The following LRP2 variants were observed in gnomAD, a reference collection of about 807,000 sequenced individuals.
The protein encoded by LRP2 is LDL receptor related protein 2.
A neutral mutation model predicts 531.0 loss-of-function variants in LRP2; 172 were observed. The ratio of observed to expected loss-of-function variants is 0.32; its 90% CI spans 0.29 to 0.37. LRP2 has a LOEUF of 0.37. Ranked by LOEUF, LRP2 falls within the 10% of genes least tolerant of loss-of-function variation. LRP2 has a pLI of 1.00. For synonymous variants in LRP2, 1,992 were observed against 2,027.6 expected, an observed-to-expected ratio of 0.98 and a Z score of 0.47; for missense variants, 5,167 against 5,868.3, an observed-to-expected ratio of 0.88 and a Z score of 3.90.
rs372272914 is a variant in LRP2 at position 169,259,170 on chromosome 2, C to T, written c.2368G>A (p.Ala790Thr). Residue 790 changes from alanine to threonine, a missense_variant, in exon 17 of 79, where the codon GCT becomes ACT. This residue lies in a region of LRP2 where 2,811 missense variants were observed against 3,058.0 expected (regional missense o/e 0.92). Coordinates refer to ENST00000649046, the MANE Select transcript of LRP2 (RefSeq NM_004525.3). ...ANRVENVESL[A>T]FDWISKNLYW... ...AGATTCTTTGAAATCCAATCAAAAG[C>T]CAAACTTTCAACATTTTCCACCCTG... The T allele has an allele frequency of 1.2e-6, 2 of 1,613,136 alleles. No homozygotes were observed. The highest frequency in any genetic ancestry group is 2.7e-5 in the African/African-American group (2 of 74,812).
At chr2:169,211,155 G>T (rs1239454531) in intron 37 of LRP2, among the ~76,000 whole-genome samples, 1 of 152,220 alleles carries the variant, frequency 6.6e-6, no homozygotes, top group Non-Finnish European at 1.5e-5. Flanking sequence ...AGGAGGACGT[G>T]TGGGACTGGA....
Position 169,362,313 on chromosome 2 carries a change from G to T in LRP2, c.79+8C>A, listed in dbSNP as rs746095748. On this transcript the variant is annotated splice_region_variant and intron_variant, in intron 1 of 78. Coordinates refer to ENST00000649046, the MANE Select transcript of LRP2 (RefSeq NM_004525.3). ...GGGCTCCACGAGAGGCTCTGGCTGG[G>T]CTCTTACCTTGGCCACTGGCCGGCG... 6.4e-7 allele frequency: 1 copy of T among 1,556,004 alleles called. No homozygotes were observed. The highest frequency in any genetic ancestry group is 8.7e-7 in the Non-Finnish European group (1 of 1,150,406).
intron 19 of LRP2, 72 bp from the exon 20 acceptor site, chr2:169,247,587 C>A: frequency 6.6e-7 from 1 of 1,524,168 alleles, no homozygotes; most frequent in Non-Finnish European, 9.1e-7. Context: ...TGAGAAAATG[C>A]AATAGGCTTG....
At position 169,277,741 on chromosome 2, in the gene LRP2, T is replaced by C. The variant is rs764856011; in HGVS notation, c.1772+4A>G. On this transcript the variant is annotated splice_donor_region_variant and intron_variant, in intron 13 of 78. Coordinates refer to ENST00000649046, the MANE Select transcript of LRP2 (RefSeq NM_004525.3). ...AGCCATAAGCCATAAAAAATACTTC[T>C]TACCTTTGAATTCCATCATAAGTTA... is the stretch of plus-strand genomic sequence containing the variant. The C allele has an allele frequency of 1.9e-6, 3 of 1,613,544 alleles. No homozygotes were observed. Among genetic ancestry groups the C allele is most frequent in the Non-Finnish European group, 2.5e-6 (3 of 1,179,592 alleles).
intron 50 of LRP2, among the ~76,000 whole-genome samples, chr2:169,184,491 G>C: frequency 6.6e-6 from 1 of 152,152 alleles, no homozygotes; most frequent in East Asian, 1.9e-4. Flanking sequence ...AATCTTTACA[G>C]CATACATCTT....
At position 169,207,043 on chromosome 2, in the gene LRP2, G is replaced by A. The variant is rs1378775840; in HGVS notation, c.6677C>T (p.Thr2226Ile). Reference sequence around the variant, plus strand: ...GACAATGCCCTCTGACACAAGCACTGTTCGATTGGTACAGTCAAGGAAAGA... The same window carrying A: ...GACAATGCCCTCTGACACAAGCACTATTCGATTGGTACAGTCAAGGAAAGA... Reference protein sequence around the residue: ...ERSFLDCTNRTVLVSEGIVTP... With the variant: ...ERSFLDCTNRIVLVSEGIVTP... Residue 2226 changes from threonine (T) to isoleucine (I), a missense_variant, in exon 39 of 79, where the codon ACA becomes ATA. Physicochemically the swap from Thr to Ile is moderately conservative, Grantham distance 89. Coordinates refer to ENST00000649046, the MANE Select transcript of LRP2 (RefSeq NM_004525.3). The A allele has an allele frequency of 1.2e-6, 2 of 1,614,094 alleles. No homozygotes were observed. The highest frequency in any genetic ancestry group is 2.2e-5 in the East Asian group (1 of 44,900).
At chr2:169,172,740 T>G (rs764893519) in intron 57 of LRP2, among the ~76,000 whole-genome samples, 1 of 152,218 alleles carries the variant, frequency 6.6e-6, no homozygotes, top group African/African-American at 2.4e-5. Flanking sequence ...ACGAAGTCTT[T>G]TCTCTAACCC....
At position 169,318,249 on chromosome 2, in the gene LRP2, G is replaced by A. The variant is rs147811723; in HGVS notation, c.310+513C>T. Reference sequence around the variant, plus strand: ...CGCAGTTGCCAAGATCCGCTTCATCGCTACTATTTTCTTTCTTGTTCAAGC... The same window carrying A: ...CGCAGTTGCCAAGATCCGCTTCATCACTACTATTTTCTTTCTTGTTCAAGC... On this transcript the variant is annotated intron_variant, in intron 3 of 78. Transcript: ENST00000649046. Among the ~76,000 whole-genome samples, 1,111 of 151,968 alleles carry A rather than the reference G, an allele frequency of 7.3e-3. 8 individuals carry two copies. The highest frequency in any genetic ancestry group is 0.011 in the Non-Finnish European group (761 of 67,964).
intron 76 of LRP2, among the ~76,000 whole-genome samples, chr2:169,134,187 C>A (rs546958610): frequency 7.3e-6 from 1 of 136,642 alleles, no homozygotes; most frequent in Non-Finnish European, 1.7e-5. Context: ...CTCATGTCTG[C>A]GTGCAGCGGC....
At chr2:169,152,038 CA>C (rs1686159305) in intron 67 of LRP2, among the ~76,000 whole-genome samples, 1 of 152,178 alleles carries the variant, frequency 6.6e-6, no homozygotes, top group African/African-American at 2.4e-5. Context: ...ATTATTGGTT[CA>C]TTTTCAAGGA....
At position 169,171,236 on chromosome 2, in the gene LRP2, G is replaced by A. The variant is rs144913384; in HGVS notation, c.11264-569C>T. On this transcript the variant is annotated intron_variant, in intron 58 of 78. Transcript: ENST00000649046. ...CTTCCTAAATCTCTCATTGCTTATC[G>A]CAAGTGGTGATCACTTTTTTCTTCC... Among the ~76,000 whole-genome samples the A allele has an allele frequency of 2.9e-3, 437 of 152,130 alleles. 4 individuals are homozygous for A. The highest frequency in any genetic ancestry group is 5.3e-3 in the Non-Finnish European group (359 of 67,984).
chr2:169,278,163 T>C (rs985861878), intron 12 of LRP2, among the ~76,000 whole-genome samples: 8 of 152,072 alleles, frequency 5.3e-5, no homozygotes, highest in African/African-American at 1.9e-4. Context: ...GCAACTATTA[T>C]GATGCACTAA....
chr2:169,271,304 T>C (rs1683407079), intron 15 of LRP2, among the ~76,000 whole-genome samples, 197 bp from the exon 16 acceptor site: 1 of 152,020 alleles, frequency 6.6e-6, no homozygotes, highest in Non-Finnish European at 1.5e-5. Context: ...ATGAGGGAGA[T>C]ACAAGTATTA....
chr2:169,138,240 T>C (rs372741656), intron 75 of LRP2, among the ~76,000 whole-genome samples: 3 of 152,316 alleles, frequency 2.0e-5, no homozygotes, highest in Admixed American at 2.0e-4. Flanking sequence ...TTTATACATA[T>C]AAAAGTCATC....
intron 35 of LRP2, among the ~76,000 whole-genome samples, chr2:169,215,701 T>G (rs1368214625): frequency 6.8e-6 from 1 of 148,072 alleles, no homozygotes; most frequent in African/African-American, 2.5e-5. Flanking sequence ...ATATTCTGTA[T>G]TCTATAAATA....
At chr2:169,335,256 T>C (rs147025746) in intron 1 of LRP2, among the ~76,000 whole-genome samples, 309 of 152,368 alleles carry the variant, frequency 2.0e-3, no homozygotes, top group Middle Eastern at 0.014. Context: ...AAATCATTCA[T>C]ATTTCAGGTG....
chr2:169,175,504 C>T, intron 54 of LRP2, 115 bp from the exon 55 acceptor site: 1 of 914,702 alleles, frequency 1.1e-6, no homozygotes, highest in Non-Finnish European at 1.7e-6. Flanking sequence ...CTCTCGTGGC[C>T]CTAGAAGAGG....
intron 71 of LRP2, 58 bp from the exon 72 acceptor site, chr2:169,140,603 A>G (rs973069160): frequency 2.3e-6 from 3 of 1,330,428 alleles, no homozygotes; most frequent in Non-Finnish European, 3.2e-6. Context: ...GAGTGCCCAC[A>G]CCATGCAAAC....
At chr2:169,360,175 C>T (rs1426764482) in intron 1 of LRP2, among the ~76,000 whole-genome samples, 2 of 146,694 alleles carry the variant, frequency 1.4e-5, no homozygotes, top group Admixed American at 6.8e-5. Context: ...GAAAACCAGA[C>T]ACTGTATACT....
Sources: allele counts gnomAD v4.1 joint callset (sites outside exome capture counted in the v4.1 genomes callset), GRCh38; gene constraint gnomAD v4.1.1; regional missense constraint gnomAD v4.1.1; transcripts MANE v1.5; gene names NCBI Gene and HGNC (gene_info 2026-07-23, HGNC 2026-07-21).